PHIP: variants seen among roughly 807,000 people sequenced by gnomAD.
PHIP encodes the protein PHIP subunit of CUL4-Ring ligase complex.
PHIP carries 54 observed loss-of-function variants against 236.8 expected under a neutral mutation model. The ratio of observed to expected loss-of-function variants is 0.23; its 90% confidence interval spans 0.18 to 0.29. PHIP has a LOEUF of 0.29. PHIP is among the 10% of genes least tolerant of loss of function. PHIP has a pLI of 1.00. For missense variants in PHIP, 1,370 were observed against 2,190.8 expected (o/e 0.63, Z 7.48); for synonymous variants, 756 against 718.9 (o/e 1.05, Z -0.83).
rs1349284699 is a variant in PHIP at position 79,078,016 on chromosome 6, C to T, written c.40+13G>A. 3.7e-6 allele frequency: 6 copies of T among 1,608,230 alleles called. No homozygotes were observed. The highest frequency in any genetic ancestry group is 1.7e-5 in the Admixed American group (1 of 59,896). ...CGCCCGGTGCCAGCGGCCCCGGCAG[C>T]CCCCCGACTTACCCGATCGCAGCTC... is the stretch of plus-strand genomic sequence containing the variant. On this transcript the variant is annotated intron_variant, in intron 1 of 39. Coordinates refer to ENST00000275034, the MANE Select transcript of PHIP (RefSeq NM_017934.7).
intron 9 of PHIP, 144 bp downstream of exon 9, chr6:79,025,375 G>A: frequency 1.8e-6 from 1 of 567,112 alleles, no homozygotes; most frequent in Non-Finnish European, 3.2e-6. Context: ...AATAAAACAG[G>A]TTAGTAAAGA....
In PHIP at chr6:78,961,692, G is replaced by A. The variant is rs1375383737; in HGVS notation, c.3654C>T (p.Tyr1218=). ...TIKQRLENRF[Y]RRVSSLMWEV... is the part of the protein sequence containing the mutation. ...TAGCTACATCAAATGGTTCTAACCT[G>A]TAAAACCTGTTTTCCAGTCTTTGTT... Residue 1218 remains tyrosine (Y), a splice_region_variant and synonymous_variant, in exon 31 of 40, where the codon TAC becomes TAT. Transcript: ENST00000275034. The A allele has an allele frequency of 6.2e-7, 1 of 1,611,618 alleles. No individual in the cohort carries two copies. The highest frequency in any genetic ancestry group is 8.5e-7 in the Non-Finnish European group (1 of 1,178,240).
chr6:79,071,318 A>G (rs1366766980), intron 4 of PHIP, among the ~76,000 whole-genome samples: 1 of 152,212 alleles, frequency 6.6e-6, no homozygotes, highest in Admixed American at 6.5e-5. Flanking sequence ...ATCAAGAAAA[A>G]ACATGTTATC....
intron 16 of PHIP, among the ~76,000 whole-genome samples, chr6:79,003,476 T>A (rs1307173892): frequency 6.6e-6 from 1 of 152,058 alleles, no homozygotes; most frequent in East Asian, 1.9e-4. Flanking sequence ...CCAATCTAGA[T>A]TGCCCCAGGA....
At chr6:78,942,673 G>A (rs1057332098) in intron 39 of PHIP, among the ~76,000 whole-genome samples, 2 of 152,158 alleles carry the variant, frequency 1.3e-5, no homozygotes, top group Admixed American at 6.5e-5. Flanking sequence ...TGGAGCAACT[G>A]ACATTTAAAC....
In PHIP at chr6:78,938,368, G is replaced by A. The variant is rs1205514414; in HGVS notation, c.*2325C>T. On this transcript the variant is annotated 3_prime_UTR_variant, in exon 40 of 40. Transcript: ENST00000275034. ...TTGAGTTGGAATTAACACATACACT[G>A]TACTAGAGGTATATTCCACTCTAAG... is the stretch of plus-strand genomic sequence containing the variant. The A allele has an allele frequency of 1.3e-5, 2 of 151,358 alleles. No individual in the cohort carries two copies. Among genetic ancestry groups the A allele is most frequent in the African/African-American group, 2.4e-5 (1 of 41,348 alleles). 9.4% of individuals were successfully genotyped at this position (151,358 alleles called of 1,614,324 possible). A position where few individuals can be genotyped will look rare whatever the true frequency, so the allele number is the denominator to read the frequency against.
At chr6:79,054,041 T>A (rs910063872) in intron 6 of PHIP, among the ~76,000 whole-genome samples, 2 of 151,544 alleles carry the variant, frequency 1.3e-5, no homozygotes, top group Admixed American at 6.6e-5. Context: ...AAAAGAAATT[T>A]AAGCAGAGGA....
intron 34 of PHIP, 24 bp downstream of exon 34, chr6:78,955,208 C>A (rs1173273895): frequency 6.5e-7 from 1 of 1,532,020 alleles, no homozygotes; most frequent in South Asian, 1.2e-5. Flanking sequence ...TAAAGTACTT[C>A]TGCTAAAACT....
intron 20 of PHIP, among the ~76,000 whole-genome samples, chr6:78,990,003 AT>A (rs1769118333): frequency 6.6e-6 from 1 of 152,198 alleles, no homozygotes; most frequent in African/African-American, 2.4e-5. Context: ...CTACTTGAGT[AT>A]TTTGAAGAGA....
rs1582087386 is a variant in PHIP at position 78,948,543 on chromosome 6, G to A, written c.4054-768C>T. Among the ~76,000 whole-genome samples the A allele has an allele frequency of 2.0e-5, 3 of 152,210 alleles. No homozygotes were observed. In the South Asian group the frequency reaches 6.2e-4, roughly 32 times the overall value. On this transcript the variant is annotated intron_variant, in intron 35 of 39. Transcript: ENST00000275034. The stretch of plus-strand genomic sequence containing the variant: ...CACAGTCTTGCTGCTGCCCAGGTTA[G>A]AGTGCAGTTGGTGCCATCAAAGCTC...
At chr6:78,990,521 A>C (rs1220881373) in intron 20 of PHIP, among the ~76,000 whole-genome samples, 5 of 152,154 alleles carry the variant, frequency 3.3e-5, no homozygotes, top group African/African-American at 1.2e-4. Context: ...AGACACCACA[A>C]AAACACATAG....
At chr6:78,977,608 A>G (rs958242835) in intron 24 of PHIP, among the ~76,000 whole-genome samples, 9 of 152,200 alleles carry the variant, frequency 5.9e-5, no homozygotes, top group Non-Finnish European at 1.2e-4. Flanking sequence ...ACCAGCAGCT[A>G]AAAAGACAAC....
Position 79,072,647 on chromosome 6 carries a change from C to T in PHIP, c.189+4801G>A, listed in dbSNP as rs1390108752. Among the ~76,000 whole-genome samples the T allele has an allele frequency of 4.0e-5, 6 of 151,826 alleles. No individual in the cohort carries two copies. In the East Asian group the frequency reaches 7.7e-4, roughly 20 times the overall value. ...TACAGGCATGCGCCACTACACCTGG[C>T]TAATTTTTTTTTTTAGTTTTTGTAG... On this transcript the variant is annotated intron_variant, in intron 4 of 39. Transcript: ENST00000275034.
intron 35 of PHIP, among the ~76,000 whole-genome samples, chr6:78,951,783 T>C (rs1444565658): frequency 1.3e-5 from 2 of 152,220 alleles, no homozygotes; most frequent in African/African-American, 4.8e-5. Flanking sequence ...TTTCTTTATA[T>C]AAAAATTCAT....
chr6:79,003,120 A>G (rs1770092621), intron 16 of PHIP, among the ~76,000 whole-genome samples: 1 of 152,124 alleles, frequency 6.6e-6, no homozygotes, highest in Non-Finnish European at 1.5e-5. Context: ...ACTGCTGAGC[A>G]AAGTGGCAGG....
intron 15 of PHIP, among the ~76,000 whole-genome samples, chr6:79,013,321 A>T (rs1275920578): frequency 6.6e-6 from 1 of 151,690 alleles, no homozygotes; most frequent in African/African-American, 2.4e-5. Context: ...TCTGTTTTTT[A>T]GCTTTTTTGG....
At chr6:78,971,841 C>A (rs1172190569) in intron 24 of PHIP, among the ~76,000 whole-genome samples, 1 of 152,172 alleles carries the variant, frequency 6.6e-6, no homozygotes, top group Non-Finnish European at 1.5e-5. Context: ...AACGGCGCAC[C>A]ACGAAATTAT....
At chr6:78,971,316 A>AAAT (rs1767533497) in intron 24 of PHIP, among the ~76,000 whole-genome samples, 3 of 152,266 alleles carry the variant, frequency 2.0e-5, no homozygotes, top group Admixed American at 2.0e-4. Flanking sequence ...CTGGTAAGAC[A>AAAT]GCAGGGCATA....
chr6:79,001,227 G>C (rs1450755343), intron 17 of PHIP, among the ~76,000 whole-genome samples: 8 of 151,990 alleles, frequency 5.3e-5, no homozygotes, highest in African/African-American at 1.7e-4. Flanking sequence ...CACTAGTGCT[G>C]CATTTCTTGT....
Sources: allele counts gnomAD v4.1 joint callset (sites outside exome capture counted in the v4.1 genomes callset), GRCh38; gene constraint gnomAD v4.1.1; transcripts MANE v1.5; gene names NCBI Gene and HGNC (gene_info 2026-07-23, HGNC 2026-07-21).